Variants in PRKAA2 observed in about 807,000 individuals in gnomAD.
PRKAA2 encodes the protein 5'-AMP-activated protein kinase catalytic subunit alpha-2.
In PRKAA2, 40 loss-of-function variants were observed where a neutral mutation model predicts 56.3. The ratio of observed to expected loss-of-function variants is 0.71; its 90% CI spans 0.55 to 0.92. The LOEUF is 0.92. PRKAA2 is among the 40% of genes least tolerant of loss of function. The probability of loss-of-function intolerance (pLI) is 0.00; values close to 1 mark genes in which losing one functional copy is unlikely to be tolerated. For synonymous variants in PRKAA2, 214 were observed against 234.2 expected (o/e 0.91, Z 0.79); for missense variants, 542 against 686.9 (o/e 0.79, Z 2.36).
chr1:56,654,229 A>G (rs1482318953), intron 1 of PRKAA2, among the ~76,000 whole-genome samples: 1 of 152,132 alleles, frequency 6.6e-6, no homozygotes, highest in Admixed American at 6.6e-5. Flanking sequence ...TGCTGACACA[A>G]CCATGCTTTA....
At chr1:56,705,007 T>G (rs754669403) in intron 7 of PRKAA2, among the ~76,000 whole-genome samples, 1 of 152,156 alleles carries the variant, frequency 6.6e-6, no homozygotes, top group Non-Finnish European at 1.5e-5. Flanking sequence ...AGCCCACAGT[T>G]TGCTTTTCTT....
In PRKAA2 at chr1:56,707,920, G is replaced by A. The variant is rs1316670364; in HGVS notation, c.*207G>A. On this transcript the variant is annotated 3_prime_UTR_variant, in exon 9 of 9. Coordinates refer to ENST00000371244, the MANE Select transcript of PRKAA2 (RefSeq NM_006252.4). ...AAATCTGTAATTCTATTGTGCCTAT[G>A]ATAAATTCACATAGGCAATATCTTT... 1 of 591,366 alleles carries A rather than the reference G, an allele frequency of 1.7e-6. No homozygotes were observed. The highest frequency in any genetic ancestry group is 1.9e-5 in the African/African-American group (1 of 53,652). The allele number at this position is 591,366 out of a possible 1,614,324, so 36.6% of individuals were successfully genotyped here. A position where few individuals can be genotyped will look rare whatever the true frequency, so the allele number is the denominator to read the frequency against.
chr1:56,655,280 A>ATATTTATTTTTT, intron 1 of PRKAA2, among the ~76,000 whole-genome samples: 2 of 93,680 alleles, frequency 2.1e-5, no homozygotes, highest in African/African-American at 4.5e-5. Context: ...ATATATATAT[A>ATATTTATTTTTT]TTTTTTTTTT....
intron 1 of PRKAA2, among the ~76,000 whole-genome samples, chr1:56,664,743 G>A (rs1288005211): frequency 6.6e-6 from 1 of 151,850 alleles, no homozygotes; most frequent in African/African-American, 2.4e-5. Flanking sequence ...TAAACTCTGC[G>A]AGCCTGGGTT....
intron 6 of PRKAA2, among the ~76,000 whole-genome samples, chr1:56,701,827 G>C (rs1644296286): frequency 6.6e-6 from 1 of 151,912 alleles, no homozygotes; most frequent in Non-Finnish European, 1.5e-5. Flanking sequence ...CCAGGAAGCA[G>C]AGCTTGCAGT....
intron 6 of PRKAA2, among the ~76,000 whole-genome samples, chr1:56,701,215 A>G (rs1427038858): frequency 6.6e-6 from 1 of 152,126 alleles, no homozygotes; most frequent in Non-Finnish European, 1.5e-5. Context: ...TAGACATGTA[A>G]CATAATTTTT....
intron 1 of PRKAA2, among the ~76,000 whole-genome samples, chr1:56,669,438 G>A (rs933116551): frequency 1.4e-4 from 21 of 151,814 alleles, no homozygotes; most frequent in Admixed American, 1.2e-3. Flanking sequence ...CAGCCTGGGT[G>A]ACAGACTGTC....
At chr1:56,678,782 G>A (rs569010091) in intron 2 of PRKAA2, among the ~76,000 whole-genome samples, 7 of 149,474 alleles carry the variant, frequency 4.7e-5, no homozygotes, top group African/African-American at 9.9e-5. Context: ...TGCAACCTCC[G>A]CCTCCTGTGT....
chr1:56,686,946 G>C (rs144112269), intron 2 of PRKAA2, among the ~76,000 whole-genome samples: 1 of 150,428 alleles, frequency 6.6e-6, no homozygotes, highest in Non-Finnish European at 1.5e-5. Context: ...GTGCAATGGC[G>C]TGATCTCAGC....
At chr1:56,658,588 C>G (rs1210165727) in intron 1 of PRKAA2, among the ~76,000 whole-genome samples, 1 of 33,194 alleles carries the variant, frequency 3.0e-5, no homozygotes, top group Non-Finnish European at 5.8e-5. Flanking sequence ...TTTTTTTCTT[C>G]CCCCCCCCCG....
chr1:56,665,664 A>G (rs1644030093), intron 1 of PRKAA2, among the ~76,000 whole-genome samples: 1 of 152,166 alleles, frequency 6.6e-6, no homozygotes, highest in Non-Finnish European at 1.5e-5. Flanking sequence ...AGCAACCTAT[A>G]AAAGTTCCAG....
intron 2 of PRKAA2, among the ~76,000 whole-genome samples, chr1:56,682,030 T>C (rs1284550329): frequency 2.6e-5 from 4 of 152,172 alleles, no homozygotes; most frequent in South Asian, 2.1e-4. Flanking sequence ...TTTTATTTCA[T>C]TGAGCAGTGG....
At chr1:56,663,070 T>C (rs1225219665) in intron 1 of PRKAA2, among the ~76,000 whole-genome samples, 1 of 151,920 alleles carries the variant, frequency 6.6e-6, no homozygotes. Context: ...CTCTGCTCTG[T>C]TTTTTGTTTG....
intron 6 of PRKAA2, among the ~76,000 whole-genome samples, chr1:56,701,714 C>T (rs922846035): frequency 2.0e-5 from 3 of 151,788 alleles, no homozygotes; most frequent in Non-Finnish European, 2.9e-5. Context: ...ACGGTGAAAC[C>T]CCATCTCTAC....
At chr1:56,697,983 A>C (rs1199799390) in intron 6 of PRKAA2, among the ~76,000 whole-genome samples, 1 of 151,668 alleles carries the variant, frequency 6.6e-6, no homozygotes, top group Non-Finnish European at 1.5e-5. Flanking sequence ...TGATAACTTG[A>C]ATCTATAGTT....
chr1:56,694,179 A>G (rs147563758), intron 5 of PRKAA2, among the ~76,000 whole-genome samples: 162 of 152,326 alleles, frequency 1.1e-3, no homozygotes, highest in African/African-American at 3.5e-3. Context: ...TTTATTAGAT[A>G]TAGTTCTTTA....
chr1:56,650,670 A>G (rs1057287563), intron 1 of PRKAA2, among the ~76,000 whole-genome samples: 1 of 152,214 alleles, frequency 6.6e-6, no homozygotes, highest in African/African-American at 2.4e-5. Context: ...TTTACTCCAG[A>G]AATATGTTTA....
At chr1:56,668,514 G>A (rs921947425) in intron 1 of PRKAA2, among the ~76,000 whole-genome samples, 1 of 151,078 alleles carries the variant, frequency 6.6e-6, no homozygotes, top group Non-Finnish European at 1.5e-5. Flanking sequence ...CATTTTCTTT[G>A]GGCTAGTTCA....
Position 56,691,481 on chromosome 1 carries a change from T to C in PRKAA2, c.324T>C (p.His108=). 6.2e-7 allele frequency: 1 copy of C among 1,604,074 alleles called. No individual in the cohort carries two copies. Among genetic ancestry groups the C allele is most frequent in the South Asian group, 1.1e-5 (1 of 90,718 alleles). The change falls in exon 3 of 9, where the codon CAT becomes CAC. Residue 108 remains histidine, a synonymous_variant. Transcript: ENST00000371244. The part of the protein sequence containing the change: ...GGELFDYICK[H]GRVEEMEARR... ...AATTATTTGACTACATCTGTAAGCA[T>C]GGACGGGTGAGTAACATACTATCTG...
Sources: gnomAD v4.1 joint callset for allele counts (sites outside exome capture counted in the v4.1 genomes callset) on GRCh38, gnomAD v4.1.1 for gene constraint, MANE v1.5 for transcripts, NCBI Gene and HGNC (gene_info 2026-07-23, HGNC 2026-07-21) for gene names.